Variants in DLG2 observed in about 807,000 individuals in gnomAD.
The protein encoded by DLG2 is discs large MAGUK scaffold protein 2.
In DLG2, 45 loss-of-function variants were observed where a neutral mutation model predicts 132.5. The observed-to-expected ratio is 0.34, with a 90% CI of 0.27 to 0.44. DLG2 has a LOEUF of 0.44. Among genes scored for constraint, DLG2 ranks in the 20% least tolerant of loss-of-function variants. The pLI, the probability that DLG2 is intolerant of heterozygous loss-of-function variation, is 1.00. For missense variants in DLG2, 1,045 were observed against 1,196.9 expected, an observed-to-expected ratio of 0.87 and a Z score of 1.87; for synonymous variants, 424 against 419.6, an observed-to-expected ratio of 1.01 and a Z score of -0.13.
At chr11:84,476,724 G>C (rs2099122659) in intron 7 of DLG2, among the ~76,000 whole-genome samples, 1 of 152,150 alleles carries the variant, frequency 6.6e-6, no homozygotes, top group African/African-American at 2.4e-5. Flanking sequence ...AGGCCACATG[G>C]AGAAGCCATG....
chr11:83,795,447 C>CTATATCTATATCTATATA (rs1566990895), intron 17 of DLG2, among the ~76,000 whole-genome samples: 47 of 141,326 alleles, frequency 3.3e-4, no homozygotes, highest in Non-Finnish European at 4.3e-4. Context: ...ATCTATATAT[C>CTATATCTATATCTATATA]TATATCTATA....
intron 11 of DLG2, among the ~76,000 whole-genome samples, chr11:84,021,302 C>G (rs1429977465): frequency 6.6e-6 from 1 of 152,012 alleles, no homozygotes; most frequent in African/African-American, 2.4e-5. Flanking sequence ...AGCAACTGAA[C>G]CTAATCTGAC....
intron 7 of DLG2, among the ~76,000 whole-genome samples, chr11:84,387,388 G>C (rs1221603762): frequency 6.6e-6 from 1 of 151,740 alleles, no homozygotes; most frequent in African/African-American, 2.4e-5. Context: ...TGGTTATATA[G>C]AATTTATAAT....
At chr11:84,106,913 G>A (rs1447593550) in intron 9 of DLG2, among the ~76,000 whole-genome samples, 2 of 131,944 alleles carry the variant, frequency 1.5e-5, no homozygotes, top group Non-Finnish European at 3.3e-5. Flanking sequence ...GTGTGTGTGT[G>A]AGAGAAGTGT....
chr11:84,442,233 G>A (rs1365490092), intron 7 of DLG2, among the ~76,000 whole-genome samples: 2 of 152,054 alleles, frequency 1.3e-5, no homozygotes, highest in African/African-American at 4.8e-5. Context: ...TCACGATATT[G>A]ATTCTTCCTG....
intron 19 of DLG2, chr11:83,631,276 G>A (rs1461656303): frequency 6.7e-6 from 1 of 149,874 alleles, no homozygotes; most frequent in African/African-American, 2.5e-5. Flanking sequence ...TATACGCATG[G>A]CCCATATTTC....
At chr11:83,618,376 C>T (rs1375478995) in intron 19 of DLG2, among the ~76,000 whole-genome samples, 1 of 151,954 alleles carries the variant, frequency 6.6e-6, no homozygotes, top group Non-Finnish European at 1.5e-5. Context: ...CTTACAATGA[C>T]CTTGTTATGT....
intron 7 of DLG2, among the ~76,000 whole-genome samples, chr11:84,453,912 GTTC>G (rs1258860020): frequency 2.0e-5 from 3 of 151,564 alleles, no homozygotes; most frequent in Non-Finnish European, 4.4e-5. Flanking sequence ...ATCAGAAGCC[GTTC>G]TTCTTATTTT....
chr11:84,075,605 G>C (rs1451153919), intron 10 of DLG2, among the ~76,000 whole-genome samples: 3 of 152,226 alleles, frequency 2.0e-5, no homozygotes, highest in East Asian at 3.9e-4. Flanking sequence ...GAATTATTTA[G>C]TACTGCCAAA....
chr11:84,858,067 A>AT (rs1435744645), intron 6 of DLG2, among the ~76,000 whole-genome samples: 2 of 151,806 alleles, frequency 1.3e-5, no homozygotes, highest in African/African-American at 2.4e-5. Flanking sequence ...TAATTTTTGT[A>AT]TTTTTTGTAG....
intron 3 of DLG2, among the ~76,000 whole-genome samples, chr11:85,485,364 A>C (rs1371635763): frequency 6.6e-6 from 1 of 152,032 alleles, no homozygotes; most frequent in African/African-American, 2.4e-5. Flanking sequence ...ACAATAAATA[A>C]ATAAACAAAT....
In DLG2 at chr11:83,511,087, GACACACAC is replaced by G. The variant is rs60156321; in HGVS notation, c.2193+21613_2193+21620del. 2.4e-3 allele frequency among the ~76,000 whole-genome samples: 329 copies of G among 138,584 alleles called. 3 individuals carry two copies. Among genetic ancestry groups the G allele is most frequent in the African/African-American group, 8.6e-3 (321 of 37,168 alleles). The allele number at this position is 138,584 out of a possible 152,430, so 90.9% of individuals were successfully genotyped here. A position where few individuals can be genotyped will look rare whatever the true frequency, so the allele number is the denominator to read the frequency against. ...TCACTTGCTCAAACACACACACACA[GACACACAC>G]ACACACACACACACACACATTCTTT... On this transcript the variant is annotated intron_variant, in intron 21 of 27. Coordinates refer to ENST00000376104, the MANE Select transcript of DLG2 (RefSeq NM_001142699.3).
chr11:83,805,931 G>A (rs887874206), intron 17 of DLG2, among the ~76,000 whole-genome samples: 1 of 152,140 alleles, frequency 6.6e-6, no homozygotes, highest in Non-Finnish European at 1.5e-5. Flanking sequence ...ATTTGTAGTA[G>A]AGTCCAGATG....
In DLG2 at chr11:85,312,542, C is replaced by A. The variant is rs143703670; in HGVS notation, c.41-27177G>T. On this transcript the variant is annotated intron_variant, in intron 3 of 27. Transcript: ENST00000376104. ...TGTTTTTATTGAGATATCATACATTCATGCTGAAAGCATGAAAAGATTTTC... is the reference window on the plus strand; with the variant it reads ...TGTTTTTATTGAGATATCATACATTAATGCTGAAAGCATGAAAAGATTTTC... 2.2e-3 allele frequency among the ~76,000 whole-genome samples: 329 copies of A among 151,860 alleles called. 1 individual carries two copies. Among genetic ancestry groups the A allele is most frequent in the African/African-American group, 7.7e-3 (319 of 41,494 alleles).
chr11:83,657,068 A>G lies in DLG2; in HGVS notation c.1826-23743T>C, dbSNP rs549814621. On this transcript the variant is annotated intron_variant, in intron 18 of 27. Transcript: ENST00000376104. ...ACATTCCATAAAGCTTCAGTCAGCAAGAGTTGCTCTCTTATCAGTGTTTCC... is the reference window on the plus strand; with the variant it reads ...ACATTCCATAAAGCTTCAGTCAGCAGGAGTTGCTCTCTTATCAGTGTTTCC... Among the ~76,000 whole-genome samples the G allele has an allele frequency of 2.3e-4, 35 of 152,346 alleles. No individual in the cohort carries two copies. In the South Asian group the frequency reaches 6.4e-3, roughly 28 times the overall value.
At chr11:83,791,568 A>G in intron 17 of DLG2, 1 of 493,160 alleles carries the variant, frequency 2.0e-6, no homozygotes, top group Non-Finnish European at 3.8e-6. Context: ...TTTAAAACTG[A>G]TTTTCTTCAT....
intron 6 of DLG2, among the ~76,000 whole-genome samples, chr11:84,656,842 A>T (rs1469719910): frequency 6.6e-6 from 1 of 152,212 alleles, no homozygotes; most frequent in Non-Finnish European, 1.5e-5. Context: ...CCTGGAGCAC[A>T]GTAGGTATTT....
rs144160101 is a variant in DLG2, at chr11:84,086,606, T to A, written c.749+12317A>T. Among the ~76,000 whole-genome samples the A allele has an allele frequency of 4.6e-3, 691 of 151,726 alleles. 5 individuals carry two copies. Among genetic ancestry groups the A allele is most frequent in the African/African-American group, 0.016 (661 of 41,390 alleles). On this transcript the variant is annotated intron_variant, in intron 10 of 27. Transcript: ENST00000376104. ...CTGGGCTCAAGCGATCCTCCCACCTTAGCCTCCCAAGTAGCTGAGGCTACA... is the reference window on the plus strand; with the variant it reads ...CTGGGCTCAAGCGATCCTCCCACCTAAGCCTCCCAAGTAGCTGAGGCTACA...
At chr11:83,626,794 T>C (rs1356060888) in intron 19 of DLG2, among the ~76,000 whole-genome samples, 4 of 152,182 alleles carry the variant, frequency 2.6e-5, no homozygotes, top group Non-Finnish European at 4.4e-5. Context: ...ATGTGGCTTC[T>C]ACTGAATTCC....
Sources: allele counts gnomAD v4.1 joint callset (sites outside exome capture counted in the v4.1 genomes callset), GRCh38; gene constraint gnomAD v4.1.1; transcripts MANE v1.5; gene names NCBI Gene and HGNC (gene_info 2026-07-23, HGNC 2026-07-21).